SRCAP: variants seen among roughly 807,000 people sequenced by gnomAD.
SRCAP encodes the protein Snf2 related CREBBP activator protein.
Under a neutral mutation model 263.1 loss-of-function variants are expected in SRCAP, and 46 were observed. The observed-to-expected ratio is 0.17, with a 90% CI of 0.14 to 0.22. The LOEUF (loss-of-function observed/expected upper bound fraction) is 0.22, where lower values mean the gene tolerates loss of function less well. Ranked by LOEUF, SRCAP falls within the 10% of genes least tolerant of loss-of-function variation. The pLI is 1.00. For missense variants in SRCAP, 3,695 were observed against 4,181.9 expected (o/e 0.88, Z 3.21); for synonymous variants, 1,813 against 1,662.1 (o/e 1.09, Z -2.21).
At chr16:30,703,117 G>A (rs1185618422) in intron 3 of SRCAP, among the ~76,000 whole-genome samples, 3 of 150,890 alleles carry the variant, frequency 2.0e-5, no homozygotes, top group Non-Finnish European at 4.4e-5. Flanking sequence ...AATCACTGAG[G>A]CTCTGAAACG....
intron 7 of SRCAP, 25 bp downstream of exon 7, chr16:30,709,760 A>T: frequency 6.2e-7 from 1 of 1,613,194 alleles, no homozygotes; most frequent in Non-Finnish European, 8.5e-7. Context: ...TGGTCCTGTT[A>T]CTCTTCCTCA....
Position 30,724,617 on chromosome 16 carries a change from A to C in SRCAP, c.5193A>C (p.Thr1731=), listed in dbSNP as rs1347281721. 1 of 1,613,718 alleles carries C rather than the reference A, an allele frequency of 6.2e-7. No individual in the cohort carries two copies. The highest frequency in any genetic ancestry group is 8.5e-7 in the Non-Finnish European group (1 of 1,179,954). ...CCCTGGTACCAACTCCAGCCCAGAC[A>C]CTGTCTTTGGCACCAGGACCACCAC... is the stretch of plus-strand genomic sequence containing the variant. ...ASSLVPTPAQ[T]LSLAPGPPLG... The change falls in exon 25 of 34, where the codon ACA becomes ACC. Residue 1731 remains threonine (T), a synonymous_variant. Transcript: ENST00000262518.
chr16:30,735,889 T>C (rs977110833), intron 31 of SRCAP, among the ~76,000 whole-genome samples: 1 of 151,894 alleles, frequency 6.6e-6, no homozygotes, highest in African/African-American at 2.4e-5. Context: ...GAATTGTGCA[T>C]TTTTATTCAC....
intron 6 of SRCAP, 56 bp downstream of exon 6, chr16:30,707,768 G>A (rs563925784): frequency 1.3e-4 from 213 of 1,597,312 alleles, no homozygotes; most frequent in Non-Finnish European, 1.6e-4. Flanking sequence ...GGTAGATGGC[G>A]TGGTAGTAGG....
intron 30 of SRCAP, 62 bp from the exon 31 acceptor site, chr16:30,734,434 C>A: frequency 1.2e-6 from 2 of 1,603,172 alleles, no homozygotes; most frequent in Non-Finnish European, 8.5e-7. Context: ...ATCAGCCTTA[C>A]AGCTTAGACC....
In SRCAP at chr16:30,724,829, C is replaced by T; in HGVS notation, c.5405C>T (p.Ala1802Val). 6.2e-7 allele frequency: 1 copy of T among 1,614,028 alleles called. No individual in the cohort carries two copies. The highest frequency in any genetic ancestry group is 8.5e-7 in the Non-Finnish European group (1 of 1,179,878). Residue 1802 changes from alanine (A) to valine (V), a missense_variant, in exon 25 of 34, where the codon GCA becomes GTA. Ala to Val is a moderately conservative substitution (Grantham distance 64). Transcript: ENST00000262518. ...PAPVPTLGPA[A>V]AQTLALAPAS... Reference sequence around the variant, plus strand: ...CCAGTTCCTACCCTGGGCCCGGCCGCAGCTCAGACCTTGGCGCTGGCCCCA... The same window carrying T: ...CCAGTTCCTACCCTGGGCCCGGCCGTAGCTCAGACCTTGGCGCTGGCCCCA...
rs1317105388 is a variant in SRCAP at position 30,723,620 on chromosome 16, C to T, written c.4196C>T (p.Ser1399Phe). The T allele has an allele frequency of 1.9e-6, 3 of 1,612,862 alleles. No homozygotes were observed. Among genetic ancestry groups the T allele is most frequent in the Admixed American group, 1.7e-5 (1 of 59,964 alleles). ...GGAGCTGCCCCCTTGACCATCTCTT[C>T]TCCTCTCCACGTGCCATCCTCCCTC... ...APGAAPLTIS[S>F]PLHVPSSLPG... Residue 1399 changes from serine to phenylalanine, a missense_variant, in exon 25 of 34, where the codon TCT (serine) becomes TTT (phenylalanine). By Grantham distance (155) the Ser-to-Phe change is radical (BLOSUM62 -2). Around this residue, in one of 12 missense-constraint regions of SRCAP, gnomAD observed 1,347 missense variants for 1,304.4 expected, o/e 1.03. Transcript: ENST00000262518.
chr16:30,712,916 A>C, intron 14 of SRCAP, 101 bp downstream of exon 14: 1 of 1,435,884 alleles, frequency 7.0e-7, no homozygotes, highest in Non-Finnish European at 9.3e-7. Context: ...CTTTTTTAAA[A>C]AAAATTTTTT....
Position 30,737,433 on chromosome 16 carries a change from C to T in SRCAP, c.7393C>T (p.Pro2465Ser). The change falls in exon 34 of 34, where the codon CCA becomes TCA. Residue 2465 changes from proline to serine, a missense_variant. Pro to Ser is a moderately conservative substitution (Grantham distance 74). This residue lies in a region of SRCAP where 1,207 missense variants were observed against 1,142.9 expected (regional missense o/e 1.06). Coordinates refer to ENST00000262518, the MANE Select transcript of SRCAP (RefSeq NM_006662.3). Reference protein sequence around the residue: ...PALVPVPVSAPVPISAPNPIT... With the variant: ...PALVPVPVSASVPISAPNPIT... ...CCTTGTTCCTGTCCCAGTTTCTGCCCCAGTACCCATTTCAGCCCCAAATCC... is the reference window on the plus strand; with the variant it reads ...CCTTGTTCCTGTCCCAGTTTCTGCCTCAGTACCCATTTCAGCCCCAAATCC... The T allele has an allele frequency of 6.3e-7, 1 of 1,598,986 alleles. No individual in the cohort carries two copies. Among genetic ancestry groups the T allele is most frequent in the Non-Finnish European group, 8.5e-7 (1 of 1,172,164 alleles).
Position 30,725,099 on chromosome 16 carries a change from C to T in SRCAP, c.5658+17C>T, listed in dbSNP as rs1365021480. On this transcript the variant is annotated intron_variant, in intron 25 of 33. Transcript: ENST00000262518. ...TTTTATCTGGTAAGTTTTACTTCCT[C>T]AAGAGGGAACAGGAAGTTGAGTTTC... 1 of 1,585,336 alleles carries T rather than the reference C, an allele frequency of 6.3e-7. No individual in the cohort carries two copies. Among genetic ancestry groups the T allele is most frequent in the Non-Finnish European group, 8.6e-7 (1 of 1,165,172 alleles).
intron 16 of SRCAP, among the ~76,000 whole-genome samples, chr16:30,715,835 T>C (rs2052943288): frequency 6.6e-6 from 1 of 152,348 alleles, no homozygotes; most frequent in South Asian, 2.1e-4. Flanking sequence ...TTCTGCGTAG[T>C]TGGTCTGCCC....
At chr16:30,708,241 C>T (rs956541201) in intron 6 of SRCAP, among the ~76,000 whole-genome samples, 8 of 152,268 alleles carry the variant, frequency 5.3e-5, no homozygotes, top group Admixed American at 1.3e-4. Flanking sequence ...CAGAGTCTTG[C>T]TGTGTCTCCT....
rs1351738064 is a variant in SRCAP, at chr16:30,709,869, A to G, written c.875A>G (p.Gln292Arg). The G allele has an allele frequency of 6.2e-7, 1 of 1,614,198 alleles. No individual in the cohort carries two copies. The highest frequency in any genetic ancestry group is 1.7e-5 in the Admixed American group (1 of 60,016). Residue 292 changes from glutamine (Q) to arginine (R), a missense_variant, in exon 8 of 34, where the codon CAA becomes CGA. Gln to Arg is a conservative substitution (Grantham distance 43). This residue lies in a region of SRCAP where 44 missense variants were observed against 42.9 expected (regional missense o/e 1.03). Transcript: ENST00000262518. ...LDDEDGDFQP[Q>R]EDEEEDDEET... is the part of the protein sequence containing the mutation. ...GCTATAGATGGGGACTTTCAACCCC[A>G]AGAGGATGAGGAAGAGGATGATGAG...
chr16:30,702,229 CAGGTGTGA>C (rs1037201890), intron 3 of SRCAP, among the ~76,000 whole-genome samples: 1 of 151,532 alleles, frequency 6.6e-6, no homozygotes, highest in African/African-American at 2.4e-5. Context: ...GCTGGAATGA[CAGGTGTGA>C]ACCACCGCGC....
chr16:30,704,955 A>G (rs1034367801), intron 4 of SRCAP, among the ~76,000 whole-genome samples: 1 of 152,200 alleles, frequency 6.6e-6, no homozygotes, highest in Non-Finnish European at 1.5e-5. Flanking sequence ...ATCCAGTGGT[A>G]AGTGTGGTCT....
intron 19 of SRCAP, 85 bp downstream of exon 19, chr16:30,720,416 G>C: frequency 6.8e-7 from 1 of 1,467,050 alleles, no homozygotes; most frequent in Non-Finnish European, 9.3e-7. Flanking sequence ...GAAGAAAAGA[G>C]TTGGATGCAA....
At chr16:30,712,920 A>G in intron 14 of SRCAP, 105 bp downstream of exon 14, 4 of 1,386,640 alleles carry the variant, frequency 2.9e-6, no homozygotes, top group Non-Finnish European at 3.8e-6. Flanking sequence ...TTTAAAAAAA[A>G]TTTTTTAATT....
rs1273883129 is a variant in SRCAP, at chr16:30,729,444, C to T, written c.5999C>T (p.Ala2000Val). Residue 2000 changes from alanine (A) to valine (V), a missense_variant, in exon 27 of 34, where the codon GCC (alanine) becomes GTC (valine). This residue lies in a region of SRCAP where 1,347 missense variants were observed against 1,304.4 expected (regional missense o/e 1.03). Coordinates refer to ENST00000262518, the MANE Select transcript of SRCAP (RefSeq NM_006662.3). ...LHACHPPPWL[A>V]PRQAAFQEQL... is the part of the protein sequence containing the mutation. ...GCCTGCCACCCACCTCCTTGGCTGG[C>T]CCCACGTCAGGCAGCCTTCCAGGAG... 6 of 1,614,092 alleles carry T rather than the reference C, an allele frequency of 3.7e-6. No homozygotes were observed. The African/African-American group carries it at 8.0e-5, about 22-fold the overall frequency.
chr16:30,715,433 C>T (rs1215017669), intron 16 of SRCAP, among the ~76,000 whole-genome samples: 3 of 152,038 alleles, frequency 2.0e-5, no homozygotes, highest in Admixed American at 6.6e-5. Context: ...GGCGCGGTGG[C>T]GGGTGCCTGT....
Sources: gnomAD v4.1 joint callset for allele counts (sites outside exome capture counted in the v4.1 genomes callset) on GRCh38, gnomAD v4.1.1 for gene constraint, gnomAD v4.1.1 regional missense constraint, MANE v1.5 for transcripts, NCBI Gene and HGNC (gene_info 2026-07-23, HGNC 2026-07-21) for gene names.